SLC10A7: variants seen among roughly 807,000 people sequenced by gnomAD.
The protein encoded by SLC10A7 is sodium/bile acid cotransporter 7.
Under a neutral mutation model 43.2 loss-of-function variants are expected in SLC10A7, and 29 were observed. The ratio of observed to expected loss-of-function variants is 0.67; its 90% CI spans 0.50 to 0.92. The LOEUF is 0.92. Among genes scored for constraint, SLC10A7 ranks in the 40% least tolerant of loss-of-function variants. The probability of loss-of-function intolerance (pLI) is 0.00; values close to 1 mark genes in which losing one functional copy is unlikely to be tolerated. For synonymous variants in SLC10A7, 152 were observed against 144.8 expected, an observed-to-expected ratio of 1.05 and a Z score of -0.35; for missense variants, 295 against 403.2, an observed-to-expected ratio of 0.73 and a Z score of 2.30.
intron 5 of SLC10A7, among the ~76,000 whole-genome samples, chr4:146,436,155 T>C (rs1730194672): frequency 6.6e-6 from 1 of 152,116 alleles, no homozygotes; most frequent in African/African-American, 2.4e-5. Context: ...TGTCACAAAT[T>C]TGCAAGAAAA....
At chr4:146,349,957 C>T (rs920439212) in intron 5 of SLC10A7, among the ~76,000 whole-genome samples, 1 of 152,188 alleles carries the variant, frequency 6.6e-6, no homozygotes, top group South Asian at 2.1e-4. Flanking sequence ...TAGTAACAGT[C>T]CTGTACATGT....
intron 5 of SLC10A7, among the ~76,000 whole-genome samples, chr4:146,424,078 A>G (rs991625884): frequency 6.6e-6 from 1 of 152,106 alleles, no homozygotes; most frequent in Non-Finnish European, 1.5e-5. Flanking sequence ...TAGAGACAAG[A>G]TCTCCCTCTG....
chr4:146,418,749 A>G (rs1318471915), intron 5 of SLC10A7, among the ~76,000 whole-genome samples: 3 of 152,118 alleles, frequency 2.0e-5, no homozygotes, highest in South Asian at 4.1e-4. Flanking sequence ...ATTCAATTCA[A>G]TTCTAACACT....
chr4:146,423,989 T>C (rs1481404225), intron 5 of SLC10A7, among the ~76,000 whole-genome samples: 3 of 152,168 alleles, frequency 2.0e-5, no homozygotes, highest in Non-Finnish European at 4.4e-5. Context: ...CTTTGAACTG[T>C]GAAGAAGGTT....
intron 5 of SLC10A7, among the ~76,000 whole-genome samples, chr4:146,365,882 G>A (rs1163065511): frequency 2.0e-5 from 3 of 152,182 alleles, no homozygotes; most frequent in Non-Finnish European, 2.9e-5. Flanking sequence ...GAACCCGGCC[G>A]CACTGCAGGA....
intron 6 of SLC10A7, among the ~76,000 whole-genome samples, chr4:146,324,720 T>A (rs1732985037): frequency 6.6e-6 from 1 of 152,172 alleles, no homozygotes; most frequent in Non-Finnish European, 1.5e-5. Flanking sequence ...GATTCCAGTT[T>A]CTCACATCTA....
intron 4 of SLC10A7, among the ~76,000 whole-genome samples, chr4:146,465,887 C>T (rs1732980832): frequency 6.6e-6 from 1 of 152,086 alleles, no homozygotes; most frequent in South Asian, 2.1e-4. Context: ...TCAAACCAGC[C>T]CTCCTGTCTA....
intron 5 of SLC10A7, among the ~76,000 whole-genome samples, chr4:146,370,105 C>T (rs1579011999): frequency 6.6e-6 from 1 of 151,984 alleles, no homozygotes; most frequent in Admixed American, 6.6e-5. Context: ...TTATTTCTGG[C>T]AGTTATTTGA....
intron 9 of SLC10A7, among the ~76,000 whole-genome samples, chr4:146,289,721 T>TG (rs1465112602): frequency 7.1e-6 from 1 of 140,036 alleles, no homozygotes; most frequent in Non-Finnish European, 1.5e-5. Context: ...TTTTTTTTTT[T>TG]TTTTTTTTTT....
At position 146,254,800 on chromosome 4, in the gene SLC10A7, A is replaced by C. The variant is rs539586776; in HGVS notation, c.*1691T>G. On this transcript the variant is annotated 3_prime_UTR_variant, in exon 12 of 12. Coordinates refer to ENST00000335472, the MANE Select transcript of SLC10A7 (RefSeq NM_001029998.6). ...AAGAGCCTTCCTGTGCTCCATAGGT[A>C]AGCACAATTACCTAAGCAAAATTAC... 1.3e-5 allele frequency: 2 copies of C among 152,358 alleles called. No individual in the cohort carries two copies. The highest frequency in any genetic ancestry group is 3.9e-4 in the East Asian group (2 of 5,192). 9.4% of individuals were successfully genotyped at this position (152,358 alleles called of 1,614,324 possible). A position where few individuals can be genotyped will look rare whatever the true frequency, so the allele number is the denominator to read the frequency against.
chr4:146,257,549 C>T (rs1727959306), intron 11 of SLC10A7, among the ~76,000 whole-genome samples: 1 of 152,200 alleles, frequency 6.6e-6, no homozygotes, highest in Non-Finnish European at 1.5e-5. Context: ...GCCAGCTGCT[C>T]AACTCCCTGA....
Position 146,346,969 on chromosome 4 carries a change from C to T in SLC10A7, c.436-20973G>A, listed in dbSNP as rs370228786. Among the ~76,000 whole-genome samples the T allele has an allele frequency of 1.2e-4, 18 of 152,178 alleles. No homozygotes were observed. In the South Asian group the frequency reaches 1.2e-3, roughly 11 times the overall value. On this transcript the variant is annotated intron_variant, in intron 5 of 11. Coordinates refer to ENST00000335472, the MANE Select transcript of SLC10A7 (RefSeq NM_001029998.6). ...CTGGTCTCTATCCTAAAAGATCTTA[C>T]GGTCTAGTTGCAGCAAACTAAAAAG...
intron 4 of SLC10A7, among the ~76,000 whole-genome samples, chr4:146,500,621 C>T (rs1736311103): frequency 6.6e-6 from 1 of 152,126 alleles, no homozygotes; most frequent in Non-Finnish European, 1.5e-5. Flanking sequence ...CAATAGTTTC[C>T]TCTCTAGTGT....
chr4:146,263,823 G>A (rs1728382579), intron 10 of SLC10A7, among the ~76,000 whole-genome samples: 1 of 152,178 alleles, frequency 6.6e-6, no homozygotes, highest in Non-Finnish European at 1.5e-5. Flanking sequence ...ATGTTAGAAG[G>A]CACATATTGT....
intron 5 of SLC10A7, among the ~76,000 whole-genome samples, chr4:146,334,613 G>T (rs529988421): frequency 6.6e-6 from 1 of 152,104 alleles, no homozygotes; most frequent in Non-Finnish European, 1.5e-5. Flanking sequence ...AGAGGCAAAA[G>T]GGGGTCACAG....
chr4:146,283,538 T>C (rs900514090), intron 9 of SLC10A7, among the ~76,000 whole-genome samples: 9 of 152,080 alleles, frequency 5.9e-5, no homozygotes, highest in African/African-American at 2.2e-4. Context: ...GCAGGACTGA[T>C]TATAAAAATA....
At chr4:146,295,212 G>C (rs1730697752) in intron 7 of SLC10A7, among the ~76,000 whole-genome samples, 1 of 152,126 alleles carries the variant, frequency 6.6e-6, no homozygotes, top group Non-Finnish European at 1.5e-5. Flanking sequence ...TGTTCTCAGG[G>C]ACTCATGAAG....
intron 5 of SLC10A7, among the ~76,000 whole-genome samples, chr4:146,425,285 T>A (rs1472493431): frequency 4.6e-5 from 7 of 152,232 alleles, no homozygotes; most frequent in Non-Finnish European, 8.8e-5. Flanking sequence ...ATATAGTTTA[T>A]AATTAAACGG....
At chr4:146,368,242 A>G (rs1736531654) in intron 5 of SLC10A7, among the ~76,000 whole-genome samples, 1 of 152,192 alleles carries the variant, frequency 6.6e-6, no homozygotes, top group Non-Finnish European at 1.5e-5. Flanking sequence ...AAATGAGAAC[A>G]AGGGTAAGAG....
Sources: gnomAD v4.1 joint callset for allele counts (sites outside exome capture counted in the v4.1 genomes callset) on GRCh38, gnomAD v4.1.1 for gene constraint, MANE v1.5 for transcripts, NCBI Gene and HGNC (gene_info 2026-07-23, HGNC 2026-07-21) for gene names.